Variants in ANK3 observed in about 807,000 individuals in gnomAD.
ANK3 encodes ankyrin 3.
Under a neutral mutation model 370.9 loss-of-function variants are expected in ANK3, and 57 were observed. That is an observed-to-expected ratio of 0.15 (90% confidence interval 0.12 to 0.19). The LOEUF is 0.19. ANK3 is among the 10% of genes least tolerant of loss of function. The pLI, the probability that ANK3 is intolerant of heterozygous loss-of-function variation, is 1.00. For missense variants in ANK3, 4,439 were observed against 5,302.1 expected (o/e 0.84, Z 5.06); for synonymous variants, 1,929 against 1,946.3 (o/e 0.99, Z 0.23).
chr10:60,111,659 G>T (rs913186069), intron 26 of ANK3: 1 of 441,196 alleles, frequency 2.3e-6, no homozygotes, highest in Non-Finnish European at 4.5e-6. Context: ...ACATTGACAC[G>T]ATCTAACTAT....
At chr10:60,448,016 C>T (rs144648992) in intron 2 of ANK3, among the ~76,000 whole-genome samples, 260 of 152,228 alleles carry the variant, frequency 1.7e-3, no homozygotes, top group African/African-American at 5.9e-3. Context: ...CTCCCCCTGC[C>T]AGAGGGAATC....
At position 60,195,869 on chromosome 10, in the gene ANK3, T is replaced by G. The variant is rs72820450; in HGVS notation, c.1887+276A>C. Reference sequence around the variant, plus strand: ...CTTACTTCCTCAGGCTGTGCTTATGTTTTTCATCTGGCTAAAGAGTGTTCC... The same window carrying G: ...CTTACTTCCTCAGGCTGTGCTTATGGTTTTCATCTGGCTAAAGAGTGTTCC... On this transcript the variant is annotated intron_variant, in intron 16 of 43. Coordinates refer to ENST00000280772, the MANE Select transcript of ANK3 (RefSeq NM_020987.5). 3.4e-3 allele frequency among the ~76,000 whole-genome samples: 511 copies of G among 152,374 alleles called. 3 individuals are homozygous for G. Among genetic ancestry groups the G allele is most frequent in the Admixed American group, 6.7e-3 (102 of 15,310 alleles).
chr10:60,217,156 T>C (rs2096952607), intron 8 of ANK3, among the ~76,000 whole-genome samples: 1 of 152,172 alleles, frequency 6.6e-6, no homozygotes, highest in Non-Finnish European at 1.5e-5. Context: ...TTCTCTCTTT[T>C]CTTCTTTATT....
At chr10:60,223,446 T>G (rs1232443303) in intron 8 of ANK3, among the ~76,000 whole-genome samples, 1 of 152,192 alleles carries the variant, frequency 6.6e-6, no homozygotes, top group Non-Finnish European at 1.5e-5. Context: ...GAATAATTTT[T>G]TAATTTAACA....
At chr10:60,225,784 T>G (rs2097130005) in intron 8 of ANK3, among the ~76,000 whole-genome samples, 1 of 152,016 alleles carries the variant, frequency 6.6e-6, no homozygotes, top group Non-Finnish European at 1.5e-5. Flanking sequence ...TATTGTAGTT[T>G]TCCACTCTGT....
intron 40 of ANK3, chr10:60,060,628 G>A (rs1236802681): frequency 3.9e-5 from 6 of 152,112 alleles, no homozygotes; most frequent in East Asian, 1.9e-4. Context: ...AATTTTAAAC[G>A]ATGTTAAGAA....
chr10:60,530,432 C>G (rs2076576808), intron 2 of ANK3, among the ~76,000 whole-genome samples: 1 of 143,790 alleles, frequency 7.0e-6, no homozygotes, highest in African/African-American at 2.6e-5. Flanking sequence ...TTTATTAATC[C>G]TCAATTCTGT....
At chr10:60,381,112 G>T (rs2061490541) in intron 1 of ANK3, among the ~76,000 whole-genome samples, 1 of 152,058 alleles carries the variant, frequency 6.6e-6, no homozygotes, top group South Asian at 2.1e-4. Context: ...GGATAAATTG[G>T]TTGGTAATGA....
intron 1 of ANK3, among the ~76,000 whole-genome samples, chr10:60,687,366 C>T (rs2079282305): frequency 6.6e-6 from 1 of 152,100 alleles, no homozygotes; most frequent in South Asian, 2.1e-4. Context: ...CACCTAGGAA[C>T]CTGATTTTAC....
Position 60,104,913 on chromosome 10 carries a change from G to A in ANK3, c.3328+992C>T, listed in dbSNP as rs534137983. Among the ~76,000 whole-genome samples the A allele has an allele frequency of 1.5e-3, 221 of 152,266 alleles. 2 individuals carry two copies. The highest frequency in any genetic ancestry group is 6.0e-3 in the Admixed American group (92 of 15,298). Reference sequence around the variant, plus strand: ...GGAAGGTAATCTCCATTTTGCAGAAGAAAGACAGGCTCACAGAGTTCAATA... The same window carrying A: ...GGAAGGTAATCTCCATTTTGCAGAAAAAAGACAGGCTCACAGAGTTCAATA... On this transcript the variant is annotated intron_variant, in intron 28 of 43. Coordinates refer to ENST00000280772, the MANE Select transcript of ANK3 (RefSeq NM_020987.5).
At chr10:60,124,444 G>C (rs1298585284) in intron 25 of ANK3, among the ~76,000 whole-genome samples, 1 of 151,974 alleles carries the variant, frequency 6.6e-6, no homozygotes, top group East Asian at 1.9e-4. Flanking sequence ...CAAAGTGCTG[G>C]GATTACAGGA....
intron 1 of ANK3, among the ~76,000 whole-genome samples, chr10:60,302,722 C>A (rs563349227): frequency 5.6e-4 from 85 of 151,990 alleles, no homozygotes; most frequent in African/African-American, 2.0e-3. Flanking sequence ...TTTGAATTAG[C>A]AAAACAATTT....
chr10:60,442,534 T>TC (rs1483000760), intron 2 of ANK3, among the ~76,000 whole-genome samples: 3 of 152,226 alleles, frequency 2.0e-5, no homozygotes, highest in Non-Finnish European at 2.9e-5. Flanking sequence ...CTGTGTTTTT[T>TC]CCCGAATATT....
Position 60,581,305 on chromosome 10 carries a change from G to C in ANK3, c.96+33881C>G, listed in dbSNP as rs76258099. Among the ~76,000 whole-genome samples the C allele has an allele frequency of 3.0e-3, 452 of 152,110 alleles. 4 individuals are homozygous for C. Among genetic ancestry groups the C allele is most frequent in the African/African-American group, 9.8e-3 (407 of 41,486 alleles). ...TTCTCGCACACCACCAAAATATAAA[G>C]GTCGTTCATAATGTGCATTTATCTG... is the stretch of plus-strand genomic sequence containing the variant. On this transcript the variant is annotated intron_variant, in intron 2 of 43. Transcript: ENST00000373827.
chr10:60,516,609 T>G lies in ANK3; in HGVS notation c.96+98577A>C, dbSNP rs188181936. On this transcript the variant is annotated intron_variant, in intron 2 of 43. Transcript: ENST00000373827. ...TTCTCACCATCTCTAACCACTCCCA[T>G]CAGAAAATGGAGGAAAAAAAAATTA... Among the ~76,000 whole-genome samples, 405 of 152,006 alleles carry G rather than the reference T, an allele frequency of 2.7e-3. 7 individuals are homozygous for G. The highest frequency in any genetic ancestry group is 3.9e-3 in the Non-Finnish European group (264 of 67,978).
chr10:60,035,648 G>A (rs1348180800), intron 43 of ANK3, among the ~76,000 whole-genome samples: 1 of 151,608 alleles, frequency 6.6e-6, no homozygotes, highest in Non-Finnish European at 1.5e-5. Context: ...CCTGCCTCTA[G>A]CTCTTATCTT....
intron 2 of ANK3, among the ~76,000 whole-genome samples, chr10:60,461,901 C>T (rs1250075353): frequency 4.6e-5 from 7 of 152,092 alleles, no homozygotes; most frequent in East Asian, 1.9e-4. Flanking sequence ...TGCCACAAGA[C>T]GGGAAGAAAG....
At chr10:60,699,965 T>C (rs1057186966) in intron 1 of ANK3, among the ~76,000 whole-genome samples, 2 of 152,196 alleles carry the variant, frequency 1.3e-5, no homozygotes, top group East Asian at 3.8e-4. Flanking sequence ...AAAATTCTTT[T>C]AGGGGATGTA....
chr10:60,260,632 C>T (rs1592643773), intron 7 of ANK3, among the ~76,000 whole-genome samples: 4 of 152,262 alleles, frequency 2.6e-5, no homozygotes, highest in African/African-American at 7.2e-5. Context: ...AAGGACTTCT[C>T]ATGAATGGTT....
Sources: allele counts gnomAD v4.1 joint callset (sites outside exome capture counted in the v4.1 genomes callset), GRCh38; gene constraint gnomAD v4.1.1; transcripts MANE v1.5; gene names NCBI Gene and HGNC (gene_info 2026-07-23, HGNC 2026-07-21).